The following MRPS18C variants were observed in gnomAD, a reference collection of about 807,000 sequenced individuals.
The protein encoded by MRPS18C is mitochondrial ribosomal protein S18C.
In MRPS18C, 21 loss-of-function variants were observed where a neutral mutation model predicts 21.0. That is an observed-to-expected ratio of 1.00 (90% CI 0.71 to 1.44). MRPS18C has a LOEUF of 1.44. Ranked by LOEUF, MRPS18C falls within the 40% of genes most tolerant of loss-of-function variation. MRPS18C has a pLI of 0.00. For synonymous variants in MRPS18C, 65 were observed against 54.3 expected (o/e 1.20, Z -0.87); for missense variants, 152 against 171.5 (o/e 0.89, Z 0.64).
chr4:83,456,576 T>G (rs1435775849), intron 1 of MRPS18C, among the ~76,000 whole-genome samples: 1 of 152,182 alleles, frequency 6.6e-6, no homozygotes, highest in Admixed American at 6.5e-5. Flanking sequence ...GTCTGTTACT[T>G]TCTTTTTGGT....
Position 83,461,107 on chromosome 4 carries a change from T to G in MRPS18C, c.353-14T>G. 6.2e-7 allele frequency: 1 copy of G among 1,613,440 alleles called. No individual in the cohort carries two copies. ...CATTATGTTTTGTCAAGAACTTTAA[T>G]TATCTCTTTACAGGGTTTATGCCAG... is the stretch of plus-strand genomic sequence containing the variant. On this transcript the variant is annotated splice_polypyrimidine_tract_variant and intron_variant, in intron 5 of 5. Transcript: ENST00000295491.
At chr4:83,456,297 A>G (rs1721819882) in intron 1 of MRPS18C, 120 bp downstream of exon 1, 1 of 850,840 alleles carries the variant, frequency 1.2e-6, no homozygotes, top group Non-Finnish European at 1.9e-6. Context: ...AGTTTCTCCA[A>G]GATGGGTGGG....
At position 83,461,308 on chromosome 4, in the gene MRPS18C, G is replaced by C. The variant is rs1398863300; in HGVS notation, c.*111G>C. On this transcript the variant is annotated 3_prime_UTR_variant, in exon 6 of 6. Coordinates refer to ENST00000295491, the MANE Select transcript of MRPS18C (RefSeq NM_016067.4). ...AAAAGTGTTTGAGGAGTGAGGTAAA[G>C]AATGACACTTCCCCTTCATACCAAT... 10 of 842,008 alleles carry C rather than the reference G, an allele frequency of 1.2e-5. No homozygotes were observed. The highest frequency in any genetic ancestry group is 2.0e-5 in the Non-Finnish European group (10 of 500,032). 52.2% of individuals were successfully genotyped at this position (842,008 alleles called of 1,614,324 possible). A position where few individuals can be genotyped will look rare whatever the true frequency, so the allele number is the denominator to read the frequency against.
rs552376461 is a variant in MRPS18C at position 83,461,125 on chromosome 4, T to C, written c.357T>C (p.Phe119=). 222 of 1,613,800 alleles carry C rather than the reference T, an allele frequency of 1.4e-4. 1 individual carries two copies. The South Asian group carries it at 2.4e-3, about 17-fold the overall frequency. ...ACTTTAATTATCTCTTTACAGGGTT[T>C]ATGCCAGTTACATACAAGGATCCTG... The part of the protein sequence containing the change: ...KAIKRAQIMG[F]MPVTYKDPAY... Residue 119 remains phenylalanine, a synonymous_variant, in exon 6 of 6, where the codon TTT becomes TTC. Transcript: ENST00000295491.
rs745989042 is a variant in MRPS18C, at chr4:83,462,244, C to G, written c.*1047C>G. On this transcript the variant is annotated 3_prime_UTR_variant, in exon 6 of 6. Transcript: ENST00000295491. ...TCTGTGTAAGCCTTCCCCTCAACAACTTAGTGAAAGGTGAAAAAAAGGTTT... is the reference window on the plus strand; with the variant it reads ...TCTGTGTAAGCCTTCCCCTCAACAAGTTAGTGAAAGGTGAAAAAAAGGTTT... 3 of 487,762 alleles carry G rather than the reference C, an allele frequency of 6.2e-6. No individual in the cohort carries two copies. Among genetic ancestry groups the G allele is most frequent in the African/African-American group, 3.9e-5 (2 of 51,240 alleles). The allele number at this position is 487,762 out of a possible 1,614,324, so 30.2% of individuals were successfully genotyped here. A position where few individuals can be genotyped will look rare whatever the true frequency, so the allele number is the denominator to read the frequency against.
intron 1 of MRPS18C, 53 bp from the exon 2 acceptor site, chr4:83,456,856 G>A: frequency 6.3e-7 from 1 of 1,575,204 alleles, no homozygotes; most frequent in Non-Finnish European, 8.6e-7. Flanking sequence ...AAAATCTTTA[G>A]CTATTCAGCT....
At chr4:83,459,015 G>GCATGCATGCCTGT (rs1721973151) in intron 3 of MRPS18C, 1 of 152,424 alleles carries the variant, frequency 6.6e-6, no homozygotes, top group Non-Finnish European at 1.5e-5. Flanking sequence ...GTGTGGTGGT[G>GCATGCATGCCTGT]CATGCCTGTA....
In MRPS18C at chr4:83,456,120, A is replaced by C; in HGVS notation, c.43A>C (p.Lys15Gln). Residue 15 changes from lysine (K) to glutamine (Q), a missense_variant, in exon 1 of 6, where the codon AAG becomes CAG. Physicochemically the swap from Lys to Gln is moderately conservative, Grantham distance 53 (BLOSUM62 1). Around this residue, in one of 2 missense-constraint regions of MRPS18C, gnomAD observed 118 missense variants for 104.4 expected, o/e 1.13. Coordinates refer to ENST00000295491, the MANE Select transcript of MRPS18C (RefSeq NM_016067.4). ...TGTTTGCGGTGGTCTAGGGAGGAAG[A>C]AGTTGACACACTTGGTAACGGCTGC... ...VAVCGGLGRK[K>Q]LTHLVTAAVS... 6.2e-7 allele frequency: 1 copy of C among 1,613,248 alleles called. No homozygotes were observed. The highest frequency in any genetic ancestry group is 1.1e-5 in the South Asian group (1 of 91,034).
chr4:83,457,806 G>T (rs982993464), intron 2 of MRPS18C: 1 of 154,668 alleles, frequency 6.5e-6, no homozygotes, highest in African/African-American at 2.4e-5. Flanking sequence ...GTAGGAAGGA[G>T]GCACTGTGAC....
chr4:83,458,720 G>C (rs555244240), intron 3 of MRPS18C: 16 of 256,014 alleles, frequency 6.2e-5, no homozygotes, highest in Non-Finnish European at 1.2e-4. Context: ...TCAGAACTTT[G>C]GAAAAAGCTC....
In MRPS18C at chr4:83,461,578, A is replaced by G. The variant is rs1370705014; in HGVS notation, c.*381A>G. ...CATTGGGATGGATAGTGGTGCTGTC[A>G]CAGAAGGACAAAATATTCCTAGACG... is the stretch of plus-strand genomic sequence containing the variant. On this transcript the variant is annotated 3_prime_UTR_variant, in exon 6 of 6. Coordinates refer to ENST00000295491, the MANE Select transcript of MRPS18C (RefSeq NM_016067.4). 6.7e-6 allele frequency: 2 copies of G among 297,190 alleles called. No homozygotes were observed. The highest frequency in any genetic ancestry group is 1.3e-5 in the Non-Finnish European group (2 of 155,192). 18.4% of individuals were successfully genotyped at this position (297,190 alleles called of 1,614,324 possible).
In MRPS18C at chr4:83,459,768, C is replaced by G; in HGVS notation, c.263C>G (p.Thr88Ser). The change falls in exon 4 of 6, where the codon ACT (threonine) becomes AGT (serine). Residue 88 changes from threonine to serine, a missense_variant. By Grantham distance (58) the Thr-to-Ser change is moderately conservative. Coordinates refer to ENST00000295491, the MANE Select transcript of MRPS18C (RefSeq NM_016067.4). ...QLLSQFVSPF[T>S]GCIYGRHITG... ...TTGTCCCAGTTTGTTTCTCCATTTA[C>G]TGGATGCATTTATGGAAGGCACATT... 6.2e-7 allele frequency: 1 copy of G among 1,610,692 alleles called. No homozygotes were observed. Among genetic ancestry groups the G allele is most frequent in the Non-Finnish European group, 8.5e-7 (1 of 1,178,238 alleles).
chr4:83,458,235 C>A, intron 2 of MRPS18C, 111 bp from the exon 3 acceptor site: 1 of 736,862 alleles, frequency 1.4e-6, no homozygotes, highest in South Asian at 1.7e-5. Context: ...AATATGTACA[C>A]AGTAAGAAAG....
At chr4:83,459,890 GCTATAAATTA>G in intron 4 of MRPS18C, 93 bp downstream of exon 4, 1 of 1,099,104 alleles carries the variant, frequency 9.1e-7, no homozygotes, top group Non-Finnish European at 1.3e-6. Flanking sequence ...TTCAAATTGT[GCTATAAATTA>G]CTACTAGATC....
intron 1 of MRPS18C, 53 bp downstream of exon 1, chr4:83,456,230 G>A: frequency 9.5e-6 from 14 of 1,468,594 alleles, no homozygotes; most frequent in Non-Finnish European, 1.3e-5. Flanking sequence ...ATTAACCTTA[G>A]TCCTAATGGT....
intron 3 of MRPS18C, chr4:83,459,184 A>G (rs1721983340): frequency 6.8e-6 from 1 of 146,238 alleles, no homozygotes; most frequent in Non-Finnish European, 1.5e-5. Context: ...CCATATATTG[A>G]CAATAGTATA....
chr4:83,458,581 C>G, intron 3 of MRPS18C, 152 bp downstream of exon 3: 1 of 530,854 alleles, frequency 1.9e-6, no homozygotes, highest in Non-Finnish European at 3.2e-6. Flanking sequence ...TATGTATAAG[C>G]TTATCTCTGC....
Position 83,456,923 on chromosome 4 carries a change from GGTT to G in MRPS18C, c.119_121del (p.Cys40del), listed in dbSNP as rs1471046479. 1 of 1,612,430 alleles carries G rather than the reference GGTT, an allele frequency of 6.2e-7. No individual in the cohort carries two copies. The highest frequency in any genetic ancestry group is 2.2e-5 in the East Asian group (1 of 44,830). ...TTTAATCGCAGTGCTTTGGAGAAGAGGTTGTTCACAACAGGTATCCAGCAATGA... is the reference window on the plus strand; with the variant it reads ...TTTAATCGCAGTGCTTTGGAGAAGAGGTTCACAACAGGTATCCAGCAATGA... On this transcript the variant is annotated inframe_deletion, in exon 2 of 6. Coordinates refer to ENST00000295491, the MANE Select transcript of MRPS18C (RefSeq NM_016067.4).
In MRPS18C at chr4:83,456,950, G is replaced by A. The variant is rs769857768; in HGVS notation, c.142G>A (p.Glu48Lys). The A allele has an allele frequency of 2.5e-6, 4 of 1,611,910 alleles. No individual in the cohort carries two copies. The highest frequency in any genetic ancestry group is 2.2e-5 in the East Asian group (1 of 44,858). Residue 48 changes from glutamate to lysine, a missense_variant, in exon 2 of 6, where the codon GAG (glutamate) becomes AAG (lysine). Transcript: ENST00000295491. Reference sequence around the variant, plus strand: ...TTGTTCACAACAGGTATCCAGCAATGAGGACCTGGTAAGAATTTTTTTTTC... The same window carrying A: ...TTGTTCACAACAGGTATCCAGCAATAAGGACCTGGTAAGAATTTTTTTTTC... ...RGCSQQVSSN[E>K]DLPISMENPY...
Sources: allele counts gnomAD v4.1 joint callset (sites outside exome capture counted in the v4.1 genomes callset), GRCh38; gene constraint gnomAD v4.1.1; regional missense constraint gnomAD v4.1.1; transcripts MANE v1.5; gene names NCBI Gene and HGNC (gene_info 2026-07-23, HGNC 2026-07-21).